The following EYS variants were observed in gnomAD, a reference collection of about 807,000 sequenced individuals.
EYS encodes the protein protein eyes shut homolog.
Under a neutral mutation model 282.1 loss-of-function variants are expected in EYS, and 250 were observed. That is an observed-to-expected ratio of 0.89 (90% CI 0.80 to 0.98). The LOEUF (loss-of-function observed/expected upper bound fraction) is 0.98, where lower values mean the gene tolerates loss of function less well. Among genes scored for constraint, EYS ranks in the 50% least tolerant of loss-of-function variants. The pLI, the probability that EYS is intolerant of heterozygous loss-of-function variation, is 0.00. For synonymous variants in EYS, 1,355 were observed against 1,282.9 expected, an observed-to-expected ratio of 1.06 and a Z score of -1.20; for missense variants, 4,016 against 3,709.0, an observed-to-expected ratio of 1.08 and a Z score of -2.15.
intron 8 of EYS, among the ~76,000 whole-genome samples, chr6:65,375,610 C>T (rs1341467998): frequency 1.3e-5 from 2 of 151,872 alleles, no homozygotes. Context: ...GGAAGCAATG[C>T]AAGGAAGCTA....
intron 2 of EYS, among the ~76,000 whole-genome samples, chr6:65,531,903 T>A (rs1362067893): frequency 2.0e-5 from 3 of 152,278 alleles, no homozygotes; most frequent in Admixed American, 6.5e-5. Flanking sequence ...TTAACCTAAT[T>A]CACAAGATCT....
chr6:63,811,460 C>T (rs183718240), intron 36 of EYS, among the ~76,000 whole-genome samples: 32 of 152,294 alleles, frequency 2.1e-4, no homozygotes, highest in Middle Eastern at 3.4e-3. Context: ...GTCTCCATGA[C>T]CACTGCACTG....
intron 26 of EYS, among the ~76,000 whole-genome samples, chr6:64,457,289 C>G (rs1253289593): frequency 1.3e-5 from 2 of 151,988 alleles, no homozygotes; most frequent in Admixed American, 1.3e-4. Flanking sequence ...TATATATGAT[C>G]TATCCTAGAG....
chr6:64,206,150 A>G (rs1310847808), intron 31 of EYS, among the ~76,000 whole-genome samples: 1 of 152,192 alleles, frequency 6.6e-6, no homozygotes, highest in Non-Finnish European at 1.5e-5. Context: ...CTTGAAAGAA[A>G]CTAAAAATTA....
At chr6:64,642,300 T>C (rs530691759) in intron 22 of EYS, among the ~76,000 whole-genome samples, 2 of 152,372 alleles carry the variant, frequency 1.3e-5, no homozygotes, top group Admixed American at 6.5e-5. Flanking sequence ...TTCATCTTAA[T>C]AAACTTTTTT....
intron 22 of EYS, among the ~76,000 whole-genome samples, chr6:64,720,807 A>G (rs1014316631): frequency 1.2e-4 from 18 of 152,218 alleles, no homozygotes; most frequent in African/African-American, 4.3e-4. Context: ...ATCCATCCAT[A>G]TAACTACCTA....
intron 42 of EYS, 26 bp from the exon 43 acceptor site, chr6:63,721,823 G>C: frequency 6.6e-7 from 1 of 1,520,066 alleles, no homozygotes; most frequent in Non-Finnish European, 8.8e-7. Flanking sequence ...CAGTAAGTTT[G>C]ATTAGCAACA....
chr6:65,651,268 T>A (rs1234586758), intron 1 of EYS, among the ~76,000 whole-genome samples: 1 of 151,788 alleles, frequency 6.6e-6, no homozygotes, highest in Non-Finnish European at 1.5e-5. Flanking sequence ...AATTTTTAGA[T>A]CAGAAAAATA....
At chr6:63,775,582 A>T (rs1205628930) in intron 40 of EYS, among the ~76,000 whole-genome samples, 1 of 152,240 alleles carries the variant, frequency 6.6e-6, no homozygotes, top group Non-Finnish European at 1.5e-5. Context: ...ACCCTGCTTC[A>T]GTTGAAAAAT....
At chr6:65,339,836 C>A (rs962699880) in intron 10 of EYS, among the ~76,000 whole-genome samples, 1 of 151,170 alleles carries the variant, frequency 6.6e-6, no homozygotes, top group African/African-American at 2.4e-5. Context: ...TTGATACAGA[C>A]ATCCCAGGCA....
chr6:64,901,931 A>G (rs1645226279), intron 18 of EYS, among the ~76,000 whole-genome samples, 182 bp downstream of exon 18: 1 of 152,316 alleles, frequency 6.6e-6, no homozygotes, highest in East Asian at 1.9e-4. Context: ...TAAGATTGGT[A>G]AATAAAAATT....
At chr6:65,177,732 A>G (rs1463488808) in intron 12 of EYS, among the ~76,000 whole-genome samples, 1 of 151,896 alleles carries the variant, frequency 6.6e-6, no homozygotes, top group Non-Finnish European at 1.5e-5. Flanking sequence ...AATTTTATAC[A>G]TAATCTACAT....
chr6:64,494,032 C>G (rs1032724628), intron 26 of EYS, among the ~76,000 whole-genome samples: 8 of 151,572 alleles, frequency 5.3e-5, no homozygotes, highest in African/African-American at 1.7e-4. Flanking sequence ...AGTATCTTCA[C>G]TAGAACATAG....
At chr6:65,277,938 C>A (rs537276819) in intron 12 of EYS, among the ~76,000 whole-genome samples, 1 of 152,228 alleles carries the variant, frequency 6.6e-6, no homozygotes, top group South Asian at 2.1e-4. Flanking sequence ...TTTGCTTAAA[C>A]ATTGTGGGTG....
intron 15 of EYS, among the ~76,000 whole-genome samples, chr6:64,917,289 A>C (rs1768196243): frequency 6.6e-6 from 1 of 151,700 alleles, no homozygotes; most frequent in Admixed American, 6.6e-5. Flanking sequence ...CAAAAATCTT[A>C]ATAAATGTCA....
chr6:63,738,602 G>C (rs1768990262), intron 41 of EYS, among the ~76,000 whole-genome samples: 1 of 115,722 alleles, frequency 8.6e-6, no homozygotes, highest in Admixed American at 1.0e-4. Context: ...TGGGGGGAGG[G>C]GGGAGGGATA....
chr6:65,350,719 T>C (rs1055428825), intron 9 of EYS, among the ~76,000 whole-genome samples: 1 of 151,656 alleles, frequency 6.6e-6, no homozygotes, highest in South Asian at 2.1e-4. Flanking sequence ...ATAATGAACA[T>C]AGATGATGAC....
chr6:64,778,419 G>A (rs1273470701), intron 22 of EYS, among the ~76,000 whole-genome samples: 1 of 152,138 alleles, frequency 6.6e-6, no homozygotes. Context: ...ATCCATCAGG[G>A]TTATGCAAAC....
chr6:65,630,121 G>C (rs1358740518), intron 2 of EYS, among the ~76,000 whole-genome samples: 1 of 152,172 alleles, frequency 6.6e-6, no homozygotes, highest in Non-Finnish European at 1.5e-5. Context: ...CACACAGCTG[G>C]ATTTCAGAAT....
Sources: allele counts gnomAD v4.1 joint callset (sites outside exome capture counted in the v4.1 genomes callset), GRCh38; gene constraint gnomAD v4.1.1; transcripts MANE v1.5; gene names NCBI Gene and HGNC (gene_info 2026-07-23, HGNC 2026-07-21).